SEC24B: variants seen among roughly 807,000 people sequenced by gnomAD.
SEC24B encodes protein transport protein Sec24B.
SEC24B carries 45 observed loss-of-function variants against 142.8 expected under a neutral mutation model. The ratio of observed to expected loss-of-function variants is 0.32; its 90% CI spans 0.25 to 0.40. The LOEUF is 0.40. SEC24B is among the 10% of genes least tolerant of loss of function. The pLI, the probability that SEC24B is intolerant of heterozygous loss-of-function variation, is 1.00. For missense variants in SEC24B, 1,409 were observed against 1,526.8 expected, an observed-to-expected ratio of 0.92 and a Z score of 1.29; for synonymous variants, 574 against 568.2, an observed-to-expected ratio of 1.01 and a Z score of -0.15.
At chr4:109,434,480 G>A (rs776302546) in intron 1 of SEC24B, among the ~76,000 whole-genome samples, 3 of 152,196 alleles carry the variant, frequency 2.0e-5, no homozygotes, top group Non-Finnish European at 4.4e-5. Flanking sequence ...GGTGGATTGT[G>A]CCCTTCCTGT....
rs150244019 is a variant in SEC24B, at chr4:109,469,217, G to A, written c.878-3787G>A. On this transcript the variant is annotated intron_variant, in intron 2 of 23. Coordinates refer to ENST00000265175, the MANE Select transcript of SEC24B (RefSeq NM_006323.5). ...TAAACAGTGCAGCAGTGCATTTCGC[G>A]TAGTCCAGTTTTATGTGTTGTTTGT... Among the ~76,000 whole-genome samples, 51 of 152,302 alleles carry A rather than the reference G, an allele frequency of 3.3e-4. No individual in the cohort carries two copies. In the East Asian group the frequency reaches 9.1e-3, roughly 27 times the overall value.
chr4:109,456,640 T>A (rs1375222586), intron 1 of SEC24B, among the ~76,000 whole-genome samples: 2 of 152,338 alleles, frequency 1.3e-5, no homozygotes, highest in South Asian at 4.1e-4. Context: ...ATTTTCTGTA[T>A]CTATTGATGT....
At position 109,526,274 on chromosome 4, in the gene SEC24B, A is replaced by G; in HGVS notation, c.2840A>G (p.Asp947Gly). 6.2e-7 allele frequency: 1 copy of G among 1,613,896 alleles called. No homozygotes were observed. Among genetic ancestry groups the G allele is most frequent in the Non-Finnish European group, 8.5e-7 (1 of 1,179,920 alleles). The stretch of plus-strand genomic sequence containing the variant: ...GGTAACTTCTTTGTCCGTTCTACTG[A>G]TTTGTTATCCCTTGCCAACATCAAT... ...FHGNFFVRSTDLLSLANINPD... is the reference protein window; with the variant it reads ...FHGNFFVRSTGLLSLANINPD... The change falls in exon 17 of 24, where the codon GAT becomes GGT. Residue 947 changes from aspartate to glycine, a missense_variant. By Grantham distance (94) the Asp-to-Gly change is moderately conservative (BLOSUM62 -1). Coordinates refer to ENST00000265175, the MANE Select transcript of SEC24B (RefSeq NM_006323.5).
At chr4:109,476,310 T>A (rs908024847) in intron 3 of SEC24B, among the ~76,000 whole-genome samples, 4 of 152,156 alleles carry the variant, frequency 2.6e-5, no homozygotes, top group African/African-American at 9.7e-5. Flanking sequence ...TTATTGTTGG[T>A]ATAAAATTGG....
intron 1 of SEC24B, among the ~76,000 whole-genome samples, chr4:109,458,860 A>G (rs549091123): frequency 8.6e-5 from 13 of 152,002 alleles, no homozygotes; most frequent in Non-Finnish European, 1.8e-4. Flanking sequence ...TGACTGTATC[A>G]CATTTGTGAT....
At chr4:109,464,042 GA>G (rs1731597042) in intron 2 of SEC24B, among the ~76,000 whole-genome samples, 1 of 152,102 alleles carries the variant, frequency 6.6e-6, no homozygotes, top group African/African-American at 2.4e-5. Context: ...CACTTACTTA[GA>G]AAAAAGGATG....
At chr4:109,516,799 G>C (rs560903546) in intron 11 of SEC24B, among the ~76,000 whole-genome samples, 159 bp downstream of exon 11, 3 of 152,068 alleles carry the variant, frequency 2.0e-5, no homozygotes, top group Non-Finnish European at 4.4e-5. Flanking sequence ...GCAGATACTC[G>C]AGTTATGATT....
At chr4:109,495,405 GCAGC>G (rs1018093411) in intron 6 of SEC24B, among the ~76,000 whole-genome samples, 2 of 152,062 alleles carry the variant, frequency 1.3e-5, no homozygotes, top group African/African-American at 2.4e-5. Context: ...TCGTCATCTT[GCAGC>G]CAGGAAAATT....
intron 9 of SEC24B, among the ~76,000 whole-genome samples, chr4:109,513,220 C>T (rs535836917): frequency 5.0e-4 from 76 of 150,750 alleles, no homozygotes; most frequent in South Asian, 1.5e-3. Context: ...TGATCTTCCC[C>T]GCCTCAGCCT....
intron 4 of SEC24B, among the ~76,000 whole-genome samples, chr4:109,484,263 G>C (rs1244978768): frequency 6.6e-6 from 1 of 152,092 alleles, no homozygotes; most frequent in African/African-American, 2.4e-5. Flanking sequence ...TCCCCAGTGT[G>C]GGTTTATCTG....
At chr4:109,494,964 C>T (rs1368751751) in intron 6 of SEC24B, 108 bp downstream of exon 6, 1 of 1,324,924 alleles carries the variant, frequency 7.5e-7, no homozygotes, top group Non-Finnish European at 1.1e-6. Flanking sequence ...GGTACAAATA[C>T]ATGTCAGCCT....
chr4:109,490,494 T>TTA (rs1734912383), intron 4 of SEC24B, among the ~76,000 whole-genome samples: 1 of 152,092 alleles, frequency 6.6e-6, no homozygotes, highest in South Asian at 2.1e-4. Context: ...AAGCAAGATC[T>TTA]CTAACATAAT....
In SEC24B at chr4:109,527,313, T is replaced by C. The variant is rs754492969; in HGVS notation, c.2966-9T>C. On this transcript the variant is annotated splice_polypyrimidine_tract_variant and intron_variant, in intron 17 of 23. Transcript: ENST00000265175. ...TGATCTAATGTATTTTCAATGACTT[T>C]TTTTTTAGGTGAGCGGAGAATTAGA... 1.3e-6 allele frequency: 2 copies of C among 1,578,944 alleles called. No individual in the cohort carries two copies. Among genetic ancestry groups the C allele is most frequent in the South Asian group, 1.1e-5 (1 of 86,966 alleles).
chr4:109,524,034 C>T (rs537963747), intron 14 of SEC24B, among the ~76,000 whole-genome samples: 2 of 152,186 alleles, frequency 1.3e-5, no homozygotes, highest in African/African-American at 4.8e-5. Flanking sequence ...GCATTTAGTT[C>T]GTTGACCCAT....
rs951419514 is a variant in SEC24B, at chr4:109,538,455, G to A, written c.3589-38G>A. 7 of 1,414,944 alleles carry A rather than the reference G, an allele frequency of 4.9e-6. No homozygotes were observed. The Admixed American group carries it at 5.0e-5, about 10-fold the overall frequency. 87.6% of individuals were successfully genotyped at this position (1,414,944 alleles called of 1,614,324 possible). A position where few individuals can be genotyped will look rare whatever the true frequency, so the allele number is the denominator to read the frequency against. The stretch of plus-strand genomic sequence containing the variant: ...TTGTTCTATTACTGCTGAAGTCTAT[G>A]AGAAAGGAAAGTTTCCTAATTGTAT... On this transcript the variant is annotated intron_variant, in intron 22 of 23. Transcript: ENST00000265175.
intron 16 of SEC24B, 28 bp from the exon 17 acceptor site, chr4:109,526,198 T>C: frequency 1.2e-6 from 2 of 1,606,538 alleles, no homozygotes; most frequent in Admixed American, 1.7e-5. Context: ...ATTGTTAACT[T>C]GATTTTTTAT....
intron 1 of SEC24B, among the ~76,000 whole-genome samples, chr4:109,448,701 G>C (rs1311518114): frequency 1.3e-5 from 2 of 152,070 alleles, no homozygotes; most frequent in East Asian, 3.8e-4. Flanking sequence ...CCAAAGTGCT[G>C]GGATTACAGG....
chr4:109,497,040 G>A (rs187315448), intron 6 of SEC24B, among the ~76,000 whole-genome samples: 1 of 152,328 alleles, frequency 6.6e-6, no homozygotes, highest in Non-Finnish European at 1.5e-5. Flanking sequence ...GCAAACCATG[G>A]CCCTCTGGCC....
At chr4:109,505,468 C>T (rs78235796) in intron 6 of SEC24B, among the ~76,000 whole-genome samples, 2,948 of 151,974 alleles carry the variant, frequency 0.019, 98 homozygotes, top group African/African-American at 0.067. Context: ...ACAGAGATAC[C>T]GGTATAAAAT....
Sources: allele counts gnomAD v4.1 joint callset (sites outside exome capture counted in the v4.1 genomes callset), GRCh38; gene constraint gnomAD v4.1.1; transcripts MANE v1.5; gene names NCBI Gene and HGNC (gene_info 2026-07-23, HGNC 2026-07-21).